HECW1: variants seen among roughly 807,000 people sequenced by gnomAD.
HECW1 encodes HECT, C2 and WW domain containing E3 ubiquitin protein ligase 1.
HECW1 carries 61 observed loss-of-function variants against 182.3 expected under a neutral mutation model. The observed-to-expected ratio is 0.33, with a 90% CI of 0.27 to 0.41. The LOEUF (loss-of-function observed/expected upper bound fraction) is 0.41. HECW1 is among the 10% of genes least tolerant of loss of function. The pLI is 1.00. For synonymous variants in HECW1, 859 were observed against 832.6 expected (o/e 1.03, Z -0.55); for missense variants, 1,739 against 2,108.9 (o/e 0.82, Z 3.44).
chr7:43,166,711 CACTAAAGAGT>C lies in HECW1; in HGVS notation c.-32+52326_-32+52335del, dbSNP rs1791162631. On this transcript the variant is annotated intron_variant, in intron 2 of 29. Transcript: ENST00000395891. ...AGGAAGTATAATAGGAACCTTTGTC[CACTAAAGAGT>C]ACTAAGACACTGAGGTGAATGCTGC... 2.6e-5 allele frequency among the ~76,000 whole-genome samples: 4 copies of C among 152,294 alleles called. No individual in the cohort carries two copies. The South Asian group carries it at 8.3e-4, about 32-fold the overall frequency.
chr7:43,303,817 C>T (rs543354145), intron 3 of HECW1, among the ~76,000 whole-genome samples: 148 of 152,174 alleles, frequency 9.7e-4, no homozygotes, highest in African/African-American at 3.3e-3. Flanking sequence ...TCCTCCCTTA[C>T]ACCTGAGAGC....
intron 6 of HECW1, among the ~76,000 whole-genome samples, chr7:43,373,672 A>T (rs2074206910): frequency 6.6e-6 from 1 of 152,052 alleles, no homozygotes; most frequent in Non-Finnish European, 1.5e-5. Context: ...ACCATTTTTC[A>T]GCATGTAGAG....
chr7:43,164,095 G>A (rs1790838676), intron 2 of HECW1, among the ~76,000 whole-genome samples: 1 of 152,032 alleles, frequency 6.6e-6, no homozygotes. Context: ...GAGGTAGTGG[G>A]AATGAAAGGG....
intron 16 of HECW1, among the ~76,000 whole-genome samples, chr7:43,475,145 G>A (rs1167036122): frequency 6.6e-6 from 1 of 152,058 alleles, no homozygotes; most frequent in Non-Finnish European, 1.5e-5. Flanking sequence ...CGTATATTTT[G>A]CCACAACAAC....
chr7:43,432,343 T>C lies in HECW1; in HGVS notation c.802-5660T>C, dbSNP rs2152866578. Among the ~76,000 whole-genome samples, 1 of 147,964 alleles carries C rather than the reference T, an allele frequency of 6.8e-6. No individual in the cohort carries two copies. The highest frequency in any genetic ancestry group is 2.1e-4 in the South Asian group (1 of 4,694). ...TTTAGTAGAGACGGGGTTTCACCGT[T>C]TTAGCCGGGATGGTCTCGATCTCCT... On this transcript the variant is annotated intron_variant, in intron 8 of 29. Transcript: ENST00000395891. This position sits in a 1 kb window ranked among gnomAD's most constrained non-coding sequence, Gnocchi z 4.1.
At chr7:43,505,577 A>G (rs1432036411) in intron 21 of HECW1, among the ~76,000 whole-genome samples, 1 of 152,092 alleles carries the variant, frequency 6.6e-6, no homozygotes, top group Admixed American at 6.5e-5. Context: ...TTTTTGTACC[A>G]CTTTGGTCCT....
chr7:43,502,129 T>G (rs899710452), intron 21 of HECW1, among the ~76,000 whole-genome samples: 1 of 152,218 alleles, frequency 6.6e-6, no homozygotes, highest in Admixed American at 6.5e-5. Context: ...GGAAGAGCCC[T>G]TTCTGAAACA....
At position 43,254,236 on chromosome 7, in the gene HECW1, C is replaced by T. The variant is rs564949938; in HGVS notation, c.27+10304C>T. On this transcript the variant is annotated intron_variant, in intron 3 of 29. Coordinates refer to ENST00000395891, the MANE Select transcript of HECW1 (RefSeq NM_015052.5). Reference sequence around the variant, plus strand: ...TCAGGTCTTTTCAAATCCCAGGAGACCAAACACAGAAGATCTTTTTTTTCC... The same window carrying T: ...TCAGGTCTTTTCAAATCCCAGGAGATCAAACACAGAAGATCTTTTTTTTCC... Among the ~76,000 whole-genome samples the T allele has an allele frequency of 1.4e-4, 22 of 152,154 alleles. 1 individual carries two copies. The South Asian group carries it at 4.4e-3, about 30-fold the overall frequency.
At chr7:43,541,041 A>G (rs527478048) in intron 24 of HECW1, 122 bp from the exon 25 acceptor site, 40 of 756,098 alleles carry the variant, frequency 5.3e-5, no homozygotes, top group African/African-American at 1.7e-4. Flanking sequence ...TGTGTCATCA[A>G]TGAGAAGATT....
chr7:43,318,194 A>G (rs1326905090), intron 4 of HECW1, among the ~76,000 whole-genome samples: 1 of 152,170 alleles, frequency 6.6e-6, no homozygotes, highest in East Asian at 1.9e-4. Context: ...CAGTGATCAG[A>G]GTGGAGAAAT....
At chr7:43,151,001 C>T (rs1789259314) in intron 2 of HECW1, 1 of 155,132 alleles carries the variant, frequency 6.4e-6, no homozygotes, top group Middle Eastern at 5.2e-4. Context: ...GGACAGGCCT[C>T]CAGCTAACTC....
At chr7:43,149,639 G>C (rs1032595324) in intron 2 of HECW1, among the ~76,000 whole-genome samples, 1 of 152,186 alleles carries the variant, frequency 6.6e-6, no homozygotes, top group African/African-American at 2.4e-5. Context: ...ATTAACTTAA[G>C]AGGATGCTTG....
intron 2 of HECW1, chr7:43,240,168 C>T (rs1194460509): frequency 6.6e-6 from 1 of 152,128 alleles, no homozygotes; most frequent in East Asian, 1.9e-4. Flanking sequence ...CGGTGAAACC[C>T]CATCTCTACT....
At chr7:43,546,381 A>G (rs1266095916) in intron 26 of HECW1, among the ~76,000 whole-genome samples, 1 of 152,000 alleles carries the variant, frequency 6.6e-6, no homozygotes, top group African/African-American at 2.4e-5. Context: ...GGCTTATTCT[A>G]TAACATCTTC....
intron 24 of HECW1, chr7:43,511,867 G>A (rs2079890540): frequency 5.5e-6 from 1 of 182,428 alleles, no homozygotes; most frequent in Non-Finnish European, 1.2e-5. Flanking sequence ...GTGGCTTTGG[G>A]TATTTTGCAC....
chr7:43,541,828 C>T, intron 25 of HECW1, 41 bp from the exon 26 acceptor site: 3 of 1,409,628 alleles, frequency 2.1e-6, no homozygotes, highest in Non-Finnish European at 2.8e-6. Flanking sequence ...TCTGGGCAGC[C>T]ATTTGTTTGG....
intron 13 of HECW1, among the ~76,000 whole-genome samples, chr7:43,457,084 T>C (rs1290714871): frequency 6.6e-6 from 1 of 152,218 alleles, no homozygotes; most frequent in African/African-American, 2.4e-5. Flanking sequence ...GCCCTCTCTA[T>C]TGAAATTGTA....
intron 8 of HECW1, among the ~76,000 whole-genome samples, chr7:43,426,734 C>T (rs775683716): frequency 6.6e-6 from 1 of 152,040 alleles, no homozygotes; most frequent in Admixed American, 6.6e-5. Context: ...GTACTTATAA[C>T]GTGTTCTGGT....
intron 24 of HECW1, among the ~76,000 whole-genome samples, chr7:43,517,254 A>T (rs889985790): frequency 6.6e-6 from 1 of 152,154 alleles, no homozygotes; most frequent in Non-Finnish European, 1.5e-5. Context: ...AGTTGTCACA[A>T]TCAGACATTT....
Sources: gnomAD v4.1 joint callset for allele counts (sites outside exome capture counted in the v4.1 genomes callset) on GRCh38, gnomAD v4.1.1 for gene constraint, Gnocchi (gnomAD v3.1) non-coding constraint, MANE v1.5 for transcripts, NCBI Gene and HGNC (gene_info 2026-07-23, HGNC 2026-07-21) for gene names.